Variants in GAB4 observed in about 807,000 individuals in gnomAD.
The protein encoded by GAB4 is GRB2-associated-binding protein 4.
In GAB4, 26 loss-of-function variants were observed where a neutral mutation model predicts 51.3. That is an observed-to-expected ratio of 0.51 (90% CI 0.37 to 0.70). The LOEUF (loss-of-function observed/expected upper bound fraction) is 0.70, where lower values mean the gene tolerates loss of function less well. Ranked by LOEUF, GAB4 falls within the 30% of genes least tolerant of loss-of-function variation. The pLI, the probability that GAB4 is intolerant of heterozygous loss-of-function variation, is 0.00. For missense variants in GAB4, 759 were observed against 734.6 expected (o/e 1.03, Z -0.38); for synonymous variants, 329 against 291.2 (o/e 1.13, Z -1.32).
chr22:16,966,043 C>A (rs2123639771), intron 6 of GAB4, 57 bp downstream of exon 6: 2 of 1,541,194 alleles, frequency 1.3e-6, no homozygotes, highest in East Asian at 4.5e-5. Flanking sequence ...CACCTGACAC[C>A]TAAGCGAATG....
chr22:16,988,173 A>C lies in GAB4; in HGVS notation c.479-6T>G, dbSNP rs772940557. 10 of 1,602,766 alleles carry C rather than the reference A, an allele frequency of 6.2e-6. No individual in the cohort carries two copies. In the East Asian group the frequency reaches 1.6e-4, roughly 25 times the overall value. ...GGAAATGTTTCCCAGGAAGCCTGTG[A>C]ATGAAACAGGAAGGAAGGGCATCCT... On this transcript the variant is annotated splice_polypyrimidine_tract_variant and splice_region_variant and intron_variant, in intron 2 of 9. Coordinates refer to ENST00000400588, the MANE Select transcript of GAB4 (RefSeq NM_001037814.1).
At chr22:16,992,339 A>G (rs17204811) in intron 1 of GAB4, among the ~76,000 whole-genome samples, 163 bp from the exon 2 acceptor site, 3,259 of 152,292 alleles carry the variant, frequency 0.021, 131 homozygotes, top group East Asian at 0.12. Flanking sequence ...CTTTGAATGC[A>G]TTTTACTGCA....
At chr22:16,980,599 C>CG (rs1287545465) in intron 3 of GAB4, among the ~76,000 whole-genome samples, 13 of 152,138 alleles carry the variant, frequency 8.5e-5, no homozygotes, top group Non-Finnish European at 1.6e-4. Context: ...GACAGTGTGG[C>CG]GATTCCTCGA....
intron 2 of GAB4, among the ~76,000 whole-genome samples, chr22:16,991,595 G>C (rs1256560442): frequency 6.6e-6 from 1 of 152,216 alleles, no homozygotes; most frequent in Non-Finnish European, 1.5e-5. Context: ...GGCCAGAACA[G>C]CCAGAGATGG....
rs1178562819 is a variant in GAB4, at chr22:16,995,559, G to C, written c.175-3383C>G. 2.0e-5 allele frequency among the ~76,000 whole-genome samples: 3 copies of C among 152,210 alleles called. No homozygotes were observed. The South Asian group carries it at 6.2e-4, about 31-fold the overall frequency. On this transcript the variant is annotated intron_variant, in intron 1 of 9. Transcript: ENST00000400588. ...GGGTTGACAGACAACTCATACAGGAGAGCTCCAGCTGGCATCTGGCAGGTG... is the reference window on the plus strand; with the variant it reads ...GGGTTGACAGACAACTCATACAGGACAGCTCCAGCTGGCATCTGGCAGGTG...
chr22:16,994,134 C>A (rs1032055025), intron 1 of GAB4, among the ~76,000 whole-genome samples: 1 of 152,144 alleles, frequency 6.6e-6, no homozygotes, highest in African/African-American at 2.4e-5. Flanking sequence ...ACCCTCTTTA[C>A]CTTAAAACTC....
At chr22:16,979,399 G>A (rs1487853629) in intron 3 of GAB4, among the ~76,000 whole-genome samples, 1 of 152,104 alleles carries the variant, frequency 6.6e-6, no homozygotes, top group Non-Finnish European at 1.5e-5. Flanking sequence ...GCCAAATCCT[G>A]AGTGAACTCC....
At position 17,008,163 on chromosome 22, in the gene GAB4, T is replaced by A; in HGVS notation, c.-49A>T. On this transcript the variant is annotated 5_prime_UTR_variant, in exon 1 of 10. Transcript: ENST00000400588. ...GTGGGGGAGACAGGGCGAGAGGGCG[T>A]TGCTGGAGGTGGGGTGTGAGGGACG... 1 of 1,364,088 alleles carries A rather than the reference T, an allele frequency of 7.3e-7. No individual in the cohort carries two copies. Among genetic ancestry groups the A allele is most frequent in the Admixed American group, 1.9e-5 (1 of 52,906 alleles). 84.5% of individuals were successfully genotyped at this position (1,364,088 alleles called of 1,614,324 possible).
In GAB4 at chr22:17,008,171, G is replaced by A; in HGVS notation, c.-57C>T. 7.7e-7 allele frequency: 1 copy of A among 1,303,752 alleles called. No individual in the cohort carries two copies. Among genetic ancestry groups the A allele is most frequent in the Non-Finnish European group, 1.1e-6 (1 of 926,480 alleles). The allele number at this position is 1,303,752 out of a possible 1,614,324, so 80.8% of individuals were successfully genotyped here. On this transcript the variant is annotated 5_prime_UTR_variant, in exon 1 of 10. Transcript: ENST00000400588. ...GACAGGGCGAGAGGGCGTTGCTGGA[G>A]GTGGGGTGTGAGGGACGGCTTGCGA...
chr22:17,007,503 G>C (rs1390083259), intron 1 of GAB4, among the ~76,000 whole-genome samples: 1 of 150,614 alleles, frequency 6.6e-6, no homozygotes. Flanking sequence ...CTGCCTTCTC[G>C]GGGCTTGGGA....
chr22:17,004,804 C>G (rs2061027276), intron 1 of GAB4, among the ~76,000 whole-genome samples: 1 of 152,156 alleles, frequency 6.6e-6, no homozygotes, highest in Non-Finnish European at 1.5e-5. Flanking sequence ...ATTCAACACC[C>G]CTTCGTGCTA....
Position 16,966,379 on chromosome 22 carries a change from G to A in GAB4, c.1024-15C>T, listed in dbSNP as rs1424795204. The A allele has an allele frequency of 7.5e-6, 12 of 1,603,234 alleles. No individual in the cohort carries two copies. Among genetic ancestry groups the A allele is most frequent in the Admixed American group, 1.7e-5 (1 of 59,562 alleles). Reference sequence around the variant, plus strand: ...GTTCTTCCTGGCTAGGAAGAGGACAGTGAAAGAAACACAGCTATCACCAGC... The same window carrying A: ...GTTCTTCCTGGCTAGGAAGAGGACAATGAAAGAAACACAGCTATCACCAGC... On this transcript the variant is annotated splice_polypyrimidine_tract_variant and intron_variant, in intron 5 of 9. Transcript: ENST00000400588.
At chr22:16,998,142 C>T (rs1366014112) in intron 1 of GAB4, among the ~76,000 whole-genome samples, 21 of 152,042 alleles carry the variant, frequency 1.4e-4, no homozygotes, top group Admixed American at 4.6e-4. Context: ...TTTTTTGGTT[C>T]CATATGAACT....
chr22:16,975,250 A>C (rs2060767483), intron 3 of GAB4, among the ~76,000 whole-genome samples: 1 of 152,242 alleles, frequency 6.6e-6, no homozygotes, highest in Non-Finnish European at 1.5e-5. Context: ...CAGCAAGCTA[A>C]GATCCACTGG....
intron 3 of GAB4, among the ~76,000 whole-genome samples, chr22:16,983,147 T>C (rs566119798): frequency 6.0e-4 from 91 of 152,286 alleles, no homozygotes; most frequent in African/African-American, 2.1e-3. Flanking sequence ...GTCACAGGTG[T>C]AGATCATGCG....
rs2060637294 is a variant in GAB4 at position 16,962,534 on chromosome 22, T to A, written c.*199A>T. 4.7e-6 allele frequency: 2 copies of A among 430,058 alleles called. No individual in the cohort carries two copies. 26.6% of individuals were successfully genotyped at this position (430,058 alleles called of 1,614,324 possible). On this transcript the variant is annotated 3_prime_UTR_variant, in exon 10 of 10. Transcript: ENST00000400588. Reference sequence around the variant, plus strand: ...GAGACTGAGGATGCTTGCTGGCAACTGCTCCTAGCAAGGGGGTGAAGGTGG... The same window carrying A: ...GAGACTGAGGATGCTTGCTGGCAACAGCTCCTAGCAAGGGGGTGAAGGTGG...
intron 1 of GAB4, among the ~76,000 whole-genome samples, chr22:16,993,718 T>C (rs1246390864): frequency 1.3e-5 from 2 of 152,210 alleles, no homozygotes; most frequent in Admixed American, 1.3e-4. Context: ...CCCAATGTCC[T>C]ACCATATTTA....
intron 7 of GAB4, 36 bp from the exon 8 acceptor site, chr22:16,964,898 T>C: frequency 1.3e-6 from 2 of 1,534,726 alleles, no homozygotes; most frequent in Non-Finnish European, 1.8e-6. Context: ...ACATCCTGGG[T>C]GGGGCTCAGG....
intron 1 of GAB4, among the ~76,000 whole-genome samples, chr22:16,993,201 T>C (rs1397177922): frequency 6.6e-6 from 1 of 152,180 alleles, no homozygotes; most frequent in East Asian, 1.9e-4. Context: ...AGACTACCCA[T>C]GGTAGAGAAC....
Sources: gnomAD v4.1 joint callset for allele counts (sites outside exome capture counted in the v4.1 genomes callset) on GRCh38, gnomAD v4.1.1 for gene constraint, MANE v1.5 for transcripts, NCBI Gene and HGNC (gene_info 2026-07-23, HGNC 2026-07-21) for gene names.